DGKD: variants seen among roughly 807,000 people sequenced by gnomAD.
The protein encoded by DGKD is DAG kinase delta.
DGKD carries 68 observed loss-of-function variants against 154.4 expected under a neutral mutation model. That is an observed-to-expected ratio of 0.44 (90% CI 0.36 to 0.54). DGKD has a LOEUF of 0.54. DGKD is among the 20% of genes least tolerant of loss of function. DGKD has a pLI of 0.00. For missense variants in DGKD, 1,343 were observed against 1,593.6 expected, an observed-to-expected ratio of 0.84 and a Z score of 2.68; for synonymous variants, 693 against 638.0, an observed-to-expected ratio of 1.09 and a Z score of -1.30.
At chr2:233,406,766 T>C (rs554270711) in intron 3 of DGKD, among the ~76,000 whole-genome samples, 1 of 152,306 alleles carries the variant, frequency 6.6e-6, no homozygotes, top group South Asian at 2.1e-4. Context: ...GGAGCTCTTG[T>C]ATGACTTCTC....
chr2:233,365,098 AAT>A (rs1239973077), intron 1 of DGKD, among the ~76,000 whole-genome samples: 8 of 152,324 alleles, frequency 5.3e-5, no homozygotes, highest in African/African-American at 1.9e-4. Context: ...ATAGAAGAAA[AAT>A]TAACACAATT....
At chr2:233,448,676 C>T (rs1024996287) in intron 14 of DGKD, among the ~76,000 whole-genome samples, 3 of 152,332 alleles carry the variant, frequency 2.0e-5, no homozygotes, top group Non-Finnish European at 2.9e-5. Context: ...ACTTCATGCT[C>T]ACCTCATGTA....
At chr2:233,416,609 T>A (rs1335447922) in intron 3 of DGKD, among the ~76,000 whole-genome samples, 1 of 152,236 alleles carries the variant, frequency 6.6e-6, no homozygotes, top group Non-Finnish European at 1.5e-5. Flanking sequence ...TTACCATTAG[T>A]TAATCCCAGA....
chr2:233,385,803 C>T (rs1023334191), intron 1 of DGKD: 35 of 369,672 alleles, frequency 9.5e-5, no homozygotes, highest in East Asian at 1.5e-4. Context: ...TCACAAGCAG[C>T]GAATCAGGAG....
In DGKD at chr2:233,464,591, C is replaced by CT. The variant is rs377011054; in HGVS notation, c.3306+309dup. The stretch of plus-strand genomic sequence containing the variant: ...GGAAGGCTGAGCCCAGCCCCACAGC[C>CT]TCCCCCGAGGGTGGAGATGTATCAT... On this transcript the variant is annotated intron_variant, in intron 27 of 29. Transcript: ENST00000264057. Among the ~76,000 whole-genome samples the CT allele has an allele frequency of 5.6e-3, 847 of 152,366 alleles. 7 individuals are homozygous for CT. The highest frequency in any genetic ancestry group is 0.019 in the African/African-American group (800 of 41,578).
At chr2:233,460,725 C>T (rs1467872520) in intron 24 of DGKD, among the ~76,000 whole-genome samples, 1 of 152,124 alleles carries the variant, frequency 6.6e-6, no homozygotes, top group African/African-American at 2.4e-5. Context: ...CCCGTCTCTA[C>T]TAAAAATACA....
chr2:233,433,316 T>C (rs932775475), intron 3 of DGKD, among the ~76,000 whole-genome samples: 18 of 152,076 alleles, frequency 1.2e-4, no homozygotes, highest in African/African-American at 4.3e-4. Context: ...GGACCCTTAA[T>C]GTTAAGTGAA....
At position 233,448,269 on chromosome 2, in the gene DGKD, C is replaced by T. The variant is rs1020574876; in HGVS notation, c.1515-7C>T. 6 of 1,614,002 alleles carry T rather than the reference C, an allele frequency of 3.7e-6. No homozygotes were observed. In the African/African-American group the frequency reaches 5.3e-5, roughly 14 times the overall value. On this transcript the variant is annotated splice_region_variant and splice_polypyrimidine_tract_variant and intron_variant, in intron 13 of 29. Transcript: ENST00000264057. ...CTAGAAGGGTCTTTCTGTTTTTCTC[C>T]CCACAGAGTGCTCTGTGAGACGGTG...
At chr2:233,444,332 C>G (rs2062994422) in intron 10 of DGKD, among the ~76,000 whole-genome samples, 1 of 152,092 alleles carries the variant, frequency 6.6e-6, no homozygotes, top group South Asian at 2.1e-4. Flanking sequence ...GGCCTCTGTC[C>G]ATCTGCAGCT....
chr2:233,373,793 C>T (rs1702437235), intron 1 of DGKD, among the ~76,000 whole-genome samples: 1 of 152,082 alleles, frequency 6.6e-6, no homozygotes, highest in Non-Finnish European at 1.5e-5. Context: ...TGTATTTTAG[C>T]TTGAGATGTA....
intron 3 of DGKD, chr2:233,429,197 C>CTGAG (rs1467655838): frequency 1.0e-6 from 1 of 985,280 alleles, no homozygotes; most frequent in Non-Finnish European, 1.2e-6. Context: ...CTCGTAAAGG[C>CTGAG]TGCCGTGGGA....
intron 3 of DGKD, among the ~76,000 whole-genome samples, chr2:233,429,860 T>C (rs2062451046): frequency 6.6e-6 from 1 of 152,192 alleles, no homozygotes; most frequent in Non-Finnish European, 1.5e-5. Flanking sequence ...ACCCAGGATA[T>C]GTGGAAGAAG....
chr2:233,434,739 A>G (rs1010418889), intron 4 of DGKD, 30 bp from the exon 5 acceptor site: 5 of 1,595,228 alleles, frequency 3.1e-6, no homozygotes, highest in Admixed American at 1.8e-5. Flanking sequence ...GAGAAGTCTT[A>G]TCTTTGCCCT....
At position 233,457,121 on chromosome 2, in the gene DGKD, C is replaced by T. The variant is rs987088550; in HGVS notation, c.2473-100C>T. The T allele has an allele frequency of 7.7e-6, 10 of 1,302,140 alleles. No homozygotes were observed. The highest frequency in any genetic ancestry group is 2.9e-5 in the African/African-American group (2 of 68,312). The allele number at this position is 1,302,140 out of a possible 1,614,324, so 80.7% of individuals were successfully genotyped here. On this transcript the variant is annotated intron_variant, in intron 20 of 29. Coordinates refer to ENST00000264057, the MANE Select transcript of DGKD (RefSeq NM_152879.3). The surrounding 1 kb of genome is among the most constrained non-coding windows in gnomAD (Gnocchi z 5.5). ...GACTTGCCTGGGGATGCCCTGGCCA[C>T]GGCTGTGCTCCTGAGCCCCTGGCGG...
intron 3 of DGKD, among the ~76,000 whole-genome samples, chr2:233,418,300 C>T (rs1050549855): frequency 2.0e-5 from 3 of 152,174 alleles, no homozygotes; most frequent in African/African-American, 7.2e-5. Context: ...TGTTGGGGCA[C>T]CAGCTCTACA....
At chr2:233,422,137 G>A (rs2062138539) in intron 3 of DGKD, among the ~76,000 whole-genome samples, 1 of 152,318 alleles carries the variant, frequency 6.6e-6, no homozygotes, top group African/African-American at 2.4e-5. Context: ...GCACCATCTC[G>A]GCCACTCCCA....
chr2:233,437,218 A>ATAGCAGGCCGGCCCAGGGCCCCTGATGG (rs1327823456), intron 7 of DGKD, among the ~76,000 whole-genome samples, 159 bp from the exon 8 acceptor site: 1 of 152,136 alleles, frequency 6.6e-6, no homozygotes, highest in Non-Finnish European at 1.5e-5. Context: ...GCCCCCGATG[A>ATAGCAGGCCGGCCCAGGGCCCCTGATGG]TAGCAGGCCG....
At chr2:233,418,770 G>A (rs1319940388) in intron 3 of DGKD, among the ~76,000 whole-genome samples, 1 of 152,182 alleles carries the variant, frequency 6.6e-6, no homozygotes, top group Non-Finnish European at 1.5e-5. Context: ...TGCAGCCCAG[G>A]AGAGGAAGTG....
At chr2:233,372,268 G>A (rs13391971) in intron 1 of DGKD, among the ~76,000 whole-genome samples, 2,250 of 152,238 alleles carry the variant, frequency 0.015, 51 homozygotes, top group African/African-American at 0.051. Context: ...CAATCCGCCC[G>A]CCTCAGTCTC....
Sources: gnomAD v4.1 joint callset for allele counts (sites outside exome capture counted in the v4.1 genomes callset) on GRCh38, gnomAD v4.1.1 for gene constraint, Gnocchi (gnomAD v3.1) non-coding constraint, MANE v1.5 for transcripts, NCBI Gene and HGNC (gene_info 2026-07-23, HGNC 2026-07-21) for gene names.